SLC4A4: variants seen among roughly 807,000 people sequenced by gnomAD.
SLC4A4 encodes electrogenic sodium bicarbonate cotransporter 1.
Under a neutral mutation model 111.5 loss-of-function variants are expected in SLC4A4, and 27 were observed. That is an observed-to-expected ratio of 0.24 (90% confidence interval 0.18 to 0.33). The LOEUF is 0.33. Among genes scored for constraint, SLC4A4 ranks in the 10% least tolerant of loss-of-function variants. SLC4A4 has a pLI of 1.00. For missense variants in SLC4A4, 909 were observed against 1,315.5 expected, an observed-to-expected ratio of 0.69 and a Z score of 4.78; for synonymous variants, 443 against 463.4, an observed-to-expected ratio of 0.96 and a Z score of 0.57.
At chr4:71,416,939 T>TTAC (rs1372049706) in intron 7 of SLC4A4, among the ~76,000 whole-genome samples, 1 of 152,138 alleles carries the variant, frequency 6.6e-6, no homozygotes, top group Non-Finnish European at 1.5e-5. Context: ...AAACAATGAA[T>TTAC]GGTAGGGACC....
At chr4:71,271,320 GAGA>G (rs1365415937) in intron 3 of SLC4A4, among the ~76,000 whole-genome samples, 11 of 152,228 alleles carry the variant, frequency 7.2e-5, no homozygotes, top group Admixed American at 6.5e-4. Context: ...GGACAAGTAT[GAGA>G]AGTAGTTAGG....
At chr4:71,313,307 T>C (rs971626835) in intron 3 of SLC4A4, among the ~76,000 whole-genome samples, 1 of 152,220 alleles carries the variant, frequency 6.6e-6, no homozygotes, top group Non-Finnish European at 1.5e-5. Context: ...CAACATTCCA[T>C]GCTCATGGAT....
intron 2 of SLC4A4, among the ~76,000 whole-genome samples, chr4:71,128,743 C>T (rs949850943): frequency 2.0e-5 from 3 of 152,142 alleles, no homozygotes; most frequent in African/African-American, 7.2e-5. Flanking sequence ...ACTGACTTGA[C>T]CTCCCAAAGT....
intron 3 of SLC4A4, among the ~76,000 whole-genome samples, chr4:71,325,671 T>C (rs1727446764): frequency 6.6e-6 from 1 of 152,064 alleles, no homozygotes. Context: ...TTCACCTATA[T>C]CAGGTCAACT....
chr4:71,284,481 G>T (rs1031243276), intron 3 of SLC4A4, among the ~76,000 whole-genome samples: 4 of 152,130 alleles, frequency 2.6e-5, no homozygotes, highest in African/African-American at 9.7e-5. Context: ...TCTTAGTTTT[G>T]CTCTTCATAA....
At chr4:71,398,413 A>G (rs1219871570) in intron 7 of SLC4A4, among the ~76,000 whole-genome samples, 1 of 152,130 alleles carries the variant, frequency 6.6e-6, no homozygotes, top group Non-Finnish European at 1.5e-5. Flanking sequence ...ATTAAAACAT[A>G]TAGTTGAATG....
At chr4:71,374,750 G>A (rs1046732098) in intron 6 of SLC4A4, among the ~76,000 whole-genome samples, 1 of 151,376 alleles carries the variant, frequency 6.6e-6, no homozygotes, top group African/African-American at 2.4e-5. Flanking sequence ...CACATATTTG[G>A]AAAAACGTTG....
At chr4:71,413,350 C>G (rs893438833) in intron 7 of SLC4A4, among the ~76,000 whole-genome samples, 4 of 152,154 alleles carry the variant, frequency 2.6e-5, no homozygotes, top group African/African-American at 9.7e-5. Context: ...TCTTAAAGAA[C>G]TGCTAGCAGT....
intron 1 of SLC4A4, among the ~76,000 whole-genome samples, chr4:71,202,951 ACCTAATGG>A (rs1746322408): frequency 6.8e-6 from 1 of 146,554 alleles, no homozygotes; most frequent in Non-Finnish European, 1.5e-5. Flanking sequence ...TGAGCCAAGA[ACCTAATGG>A]AAATCTTCTC....
At chr4:71,241,228 T>G (rs982999188) in intron 2 of SLC4A4, among the ~76,000 whole-genome samples, 7 of 152,182 alleles carry the variant, frequency 4.6e-5, no homozygotes, top group African/African-American at 1.7e-4. Flanking sequence ...TACTCCTGCT[T>G]GATTTTGCAG....
rs73826347 is a variant in SLC4A4 at position 71,130,922 on chromosome 4, A to G, written c.-2+38130A>G. Among the ~76,000 whole-genome samples the G allele has an allele frequency of 3.3e-3, 501 of 152,306 alleles. 4 individuals carry two copies. Among genetic ancestry groups the G allele is most frequent in the African/African-American group, 0.01 (429 of 41,576 alleles). On this transcript the variant is annotated intron_variant, in intron 2 of 26. Transcript: ENST00000649996. Reference sequence around the variant, plus strand: ...AGGTTGTGTGAAGGCAGTCATGGTGACAGCCTTTTCTTTCCAGTGACACAG... The same window carrying G: ...AGGTTGTGTGAAGGCAGTCATGGTGGCAGCCTTTTCTTTCCAGTGACACAG...
At chr4:71,433,016 C>T (rs1723782583) in intron 7 of SLC4A4, among the ~76,000 whole-genome samples, 1 of 152,034 alleles carries the variant, frequency 6.6e-6, no homozygotes, top group South Asian at 2.1e-4. Flanking sequence ...AAATTCTTAT[C>T]TCCATTCTTC....
At chr4:71,503,760 T>G (rs1320265534) in intron 16 of SLC4A4, among the ~76,000 whole-genome samples, 2 of 152,192 alleles carry the variant, frequency 1.3e-5, no homozygotes, top group Non-Finnish European at 1.5e-5. Context: ...ATTATGAATT[T>G]ACCTCTACTG....
chr4:71,191,640 C>G (rs1406353217), intron 1 of SLC4A4, among the ~76,000 whole-genome samples: 2 of 152,178 alleles, frequency 1.3e-5, no homozygotes, highest in Non-Finnish European at 2.9e-5. Flanking sequence ...GCAGTGCCCA[C>G]TTGCCGCAAC....
intron 2 of SLC4A4, among the ~76,000 whole-genome samples, chr4:71,120,365 T>G (rs1743380345): frequency 6.6e-6 from 1 of 152,150 alleles, no homozygotes; most frequent in African/African-American, 2.4e-5. Flanking sequence ...GTTACAGTCC[T>G]TTGGAACTCC....
upstream of SLC4A4, among the ~76,000 whole-genome samples, chr4:71,183,591 T>C (rs1195652116): frequency 1.3e-5 from 2 of 152,228 alleles, no homozygotes; most frequent in Non-Finnish European, 2.9e-5. Flanking sequence ...TCTATATCTA[T>C]CTATCTTTCA....
chr4:71,165,891 T>C (rs1263382173), intron 2 of SLC4A4, among the ~76,000 whole-genome samples: 1 of 151,538 alleles, frequency 6.6e-6, no homozygotes, highest in Non-Finnish European at 1.5e-5. Flanking sequence ...AAAAAAAAAA[T>C]AATGTGAGCA....
chr4:71,373,116 T>G lies in SLC4A4; in HGVS notation c.730+15929T>G, dbSNP rs141751961. Among the ~76,000 whole-genome samples, 85 of 152,294 alleles carry G rather than the reference T, an allele frequency of 5.6e-4. 1 individual carries two copies. The East Asian group carries it at 0.016, about 29-fold the overall frequency. On this transcript the variant is annotated intron_variant, in intron 6 of 25. Transcript: ENST00000264485. ...AAGTTTTACTTCTTTAGGAAAATGG[T>G]GAACCCAGAGAATTCACTTTAACAA...
intron 1 of SLC4A4, among the ~76,000 whole-genome samples, chr4:71,226,438 T>C (rs1719054466): frequency 6.6e-6 from 1 of 152,246 alleles, no homozygotes; most frequent in Non-Finnish European, 1.5e-5. Context: ...TAATTTCTTT[T>C]TTAGCAGACA....
Sources: allele counts gnomAD v4.1 joint callset (sites outside exome capture counted in the v4.1 genomes callset), GRCh38; gene constraint gnomAD v4.1.1; transcripts MANE v1.5; gene names NCBI Gene and HGNC (gene_info 2026-07-23, HGNC 2026-07-21).